Variants in CASTOR2 observed in about 807,000 individuals in gnomAD.
The protein encoded by CASTOR2 is cytosolic arginine sensor for mTORC1 subunit 2.
A neutral mutation model predicts 31.2 loss-of-function variants in CASTOR2; 8 were observed. The observed-to-expected ratio is 0.26, with a 90% CI of 0.15 to 0.46. The LOEUF is 0.46. CASTOR2 is among the 20% of genes least tolerant of loss of function. CASTOR2 has a pLI of 0.99. For synonymous variants in CASTOR2, 162 were observed against 158.7 expected, an observed-to-expected ratio of 1.02 and a Z score of -0.16; for missense variants, 216 against 382.1, an observed-to-expected ratio of 0.57 and a Z score of 3.62.
chr7:75,005,392 A>G (rs1804585484), intron 1 of CASTOR2, among the ~76,000 whole-genome samples: 1 of 152,184 alleles, frequency 6.6e-6, no homozygotes, highest in Non-Finnish European at 1.5e-5. Flanking sequence ...TGCACTTTAG[A>G]TCTACCCATG....
chr7:75,003,040 C>A (rs1804531525), intron 1 of CASTOR2, among the ~76,000 whole-genome samples: 1 of 152,046 alleles, frequency 6.6e-6, no homozygotes, highest in African/African-American at 2.4e-5. Context: ...TGGCCAACTG[C>A]CCGGCAATAG....
chr7:74,982,424 T>C (rs2523319), intron 1 of CASTOR2, among the ~76,000 whole-genome samples: 71 of 151,878 alleles, frequency 4.7e-4, no homozygotes, highest in Non-Finnish European at 7.8e-4. Context: ...AGGGCAGATC[T>C]CGCGGTGAAT....
chr7:75,015,372 C>T (rs1296489989), intron 2 of CASTOR2, among the ~76,000 whole-genome samples: 4 of 152,172 alleles, frequency 2.6e-5, no homozygotes, highest in Admixed American at 1.3e-4. Context: ...CAGACTCAAG[C>T]GATCCTCCCA....
intron 1 of CASTOR2, among the ~76,000 whole-genome samples, chr7:74,965,850 T>TCACA (rs1177991219): frequency 4.6e-3 from 48 of 10,482 alleles, no homozygotes; most frequent in Admixed American, 7.6e-3. Context: ...AAAGAGGGAA[T>TCACA]CACACACACA....
chr7:74,983,385 A>G (rs1181371600), intron 1 of CASTOR2, among the ~76,000 whole-genome samples: 1 of 148,120 alleles, frequency 6.8e-6, no homozygotes, highest in Non-Finnish European at 1.5e-5. Context: ...CTAGTCTACA[A>G]TTTCCCTCCT....
rs1437557386 is a variant in CASTOR2 at position 75,018,368 on chromosome 7, C to G, written c.511+246C>G. Among the ~76,000 whole-genome samples the G allele has an allele frequency of 1.7e-3, 256 of 152,146 alleles. 2 individuals are homozygous for G. Among genetic ancestry groups the G allele is most frequent in the Middle Eastern group, 3.4e-3 (1 of 294 alleles). ...CAGCCTGACCAACATGGAGAAACCC[C>G]GTCTCTACTAAAAATACAAAATTAG... is the stretch of plus-strand genomic sequence containing the variant. On this transcript the variant is annotated intron_variant, in intron 4 of 8. Transcript: ENST00000616305.
chr7:75,025,600 C>A lies in CASTOR2; in HGVS notation c.*901C>A, dbSNP rs943222252. Among the ~76,000 whole-genome samples the A allele has an allele frequency of 6.6e-6, 1 of 152,266 alleles. No individual in the cohort carries two copies. Among genetic ancestry groups the A allele is most frequent in the Non-Finnish European group, 1.5e-5 (1 of 68,050 alleles). On this transcript the variant is annotated 3_prime_UTR_variant, in exon 9 of 9. Transcript: ENST00000616305. ...ACTAGACCAGCATAGGACTCCCCGC[C>A]GTCCTCCTCCCTCCTCTGCCCCCAA...
chr7:75,019,623 C>T (rs1398447331), intron 5 of CASTOR2, among the ~76,000 whole-genome samples: 2 of 152,198 alleles, frequency 1.3e-5, no homozygotes, highest in Admixed American at 6.5e-5. Flanking sequence ...CACTGAGCTC[C>T]GAGGACAGGC....
At chr7:74,985,257 GC>G in intron 1 of CASTOR2, among the ~76,000 whole-genome samples, 1 of 152,058 alleles carries the variant, frequency 6.6e-6, no homozygotes, top group Non-Finnish European at 1.5e-5. Context: ...GGTCCTCGGG[GC>G]TCCCACAGAA....
Position 75,024,793 on chromosome 7 carries a change from G to C in CASTOR2, c.*94G>C. 1 of 1,550,568 alleles carries C rather than the reference G, an allele frequency of 6.4e-7. No individual in the cohort carries two copies. The highest frequency in any genetic ancestry group is 8.7e-7 in the Non-Finnish European group (1 of 1,146,788). Reference sequence around the variant, plus strand: ...TATTTCTCTACAGACTGGAAAATCAGCCTGGGGACCCTGAGGAAGGGGCCT... The same window carrying C: ...TATTTCTCTACAGACTGGAAAATCACCCTGGGGACCCTGAGGAAGGGGCCT... On this transcript the variant is annotated 3_prime_UTR_variant, in exon 9 of 9. Transcript: ENST00000616305.
chr7:75,018,118 G>A lies in CASTOR2; in HGVS notation c.507G>A (p.Lys169=). 6.2e-7 allele frequency: 1 copy of A among 1,614,008 alleles called. No homozygotes were observed. Residue 169 remains lysine (K), a synonymous_variant, in exon 4 of 9, where the codon AAG becomes AAA. Coordinates refer to ENST00000616305, the MANE Select transcript of CASTOR2 (RefSeq NM_001145064.3). ...TCACCAATGGCTTCGTGAAGCCCAAGCTGGGTGAGCTGGGGGCGGGGGTTT... is the reference window on the plus strand; with the variant it reads ...TCACCAATGGCTTCGTGAAGCCCAAACTGGGTGAGCTGGGGGCGGGGGTTT... ...LGITNGFVKP[K]LVQRPVIHPL...
intron 1 of CASTOR2, among the ~76,000 whole-genome samples, chr7:75,000,281 G>T (rs1804462897): frequency 6.6e-6 from 1 of 152,190 alleles, no homozygotes; most frequent in Non-Finnish European, 1.5e-5. Flanking sequence ...TAAAACATCA[G>T]CAGGGAGGCA....
chr7:75,015,464 G>A (rs1444759151), intron 2 of CASTOR2, among the ~76,000 whole-genome samples: 7 of 151,892 alleles, frequency 4.6e-5, no homozygotes, highest in Non-Finnish European at 8.8e-5. Flanking sequence ...TTTTTTTAGA[G>A]ATGGGGTCTC....
chr7:74,994,984 C>T (rs1302043363), intron 1 of CASTOR2, among the ~76,000 whole-genome samples: 22 of 152,142 alleles, frequency 1.4e-4, no homozygotes, highest in African/African-American at 4.6e-4. Context: ...CAGAGGAGAC[C>T]GTGCGGGAGA....
chr7:74,974,974 G>A (rs1554435487), intron 1 of CASTOR2, among the ~76,000 whole-genome samples: 1 of 149,120 alleles, frequency 6.7e-6, no homozygotes. Flanking sequence ...GTTTTGTTTT[G>A]CTTTTGTTTT....
intron 1 of CASTOR2, among the ~76,000 whole-genome samples, chr7:74,986,355 G>C (rs1804065365): frequency 6.6e-6 from 1 of 151,982 alleles, no homozygotes; most frequent in Non-Finnish European, 1.5e-5. Context: ...GCCAGGTGTG[G>C]TGACGGGTGC....
chr7:75,022,024 G>C, intron 7 of CASTOR2, 68 bp downstream of exon 7: 1 of 1,534,206 alleles, frequency 6.5e-7, no homozygotes, highest in Non-Finnish European at 8.8e-7. Flanking sequence ...CACATACGTT[G>C]TCCGCAGTGA....
intron 1 of CASTOR2, among the ~76,000 whole-genome samples, chr7:74,979,017 T>G (rs1441043607): frequency 1.3e-5 from 2 of 150,994 alleles, no homozygotes; most frequent in African/African-American, 2.4e-5. Flanking sequence ...ATATACAAAA[T>G]GTAGCTGGGC....
chr7:74,991,088 A>AAG (rs1804199907), intron 1 of CASTOR2, among the ~76,000 whole-genome samples: 1 of 149,480 alleles, frequency 6.7e-6, no homozygotes, highest in Admixed American at 6.7e-5. Context: ...AAAAAAAAAA[A>AAG]GGAAAAGAAA....
Sources: allele counts gnomAD v4.1 joint callset (sites outside exome capture counted in the v4.1 genomes callset), GRCh38; gene constraint gnomAD v4.1.1; transcripts MANE v1.5; gene names NCBI Gene and HGNC (gene_info 2026-07-23, HGNC 2026-07-21).